TTC17: variants seen among roughly 807,000 people sequenced by gnomAD.
TTC17 encodes tetratricopeptide repeat protein 17.
TTC17 carries 58 observed loss-of-function variants against 143.8 expected under a neutral mutation model. That is an observed-to-expected ratio of 0.40 (90% CI 0.33 to 0.50). TTC17 has a LOEUF of 0.50. Ranked by LOEUF, TTC17 falls within the 20% of genes least tolerant of loss-of-function variation. The pLI, the probability that TTC17 is intolerant of heterozygous loss-of-function variation, is 0.49. For missense variants in TTC17, 1,273 were observed against 1,392.5 expected, an observed-to-expected ratio of 0.91 and a Z score of 1.37; for synonymous variants, 501 against 497.8, an observed-to-expected ratio of 1.01 and a Z score of -0.09.
At chr11:43,417,420 A>G (rs1946802404) in intron 16 of TTC17, among the ~76,000 whole-genome samples, 1 of 152,152 alleles carries the variant, frequency 6.6e-6, no homozygotes, top group Non-Finnish European at 1.5e-5. Flanking sequence ...ATCTTGTCTG[A>G]CATCTGTTTC....
At chr11:43,436,253 C>T in intron 16 of TTC17, 1 of 1,471,176 alleles carries the variant, frequency 6.8e-7, no homozygotes. Flanking sequence ...TGAAGAAGAG[C>T]CCTCTGAGAG....
intron 18 of TTC17, chr11:43,446,061 T>C (rs2134739000): frequency 6.6e-7 from 1 of 1,518,658 alleles, no homozygotes. Context: ...AGCCTTCCCA[T>C]TGCCTACAGG....
In TTC17 at chr11:43,396,677, C is replaced by A; in HGVS notation, c.664-32C>A. 3.7e-6 allele frequency: 5 copies of A among 1,336,876 alleles called. No homozygotes were observed. In the South Asian group the frequency reaches 5.4e-5, roughly 14 times the overall value. The allele number at this position is 1,336,876 out of a possible 1,614,324, so 82.8% of individuals were successfully genotyped here. ...TATTCTAAGTTAAACTGTCTTGAGT[C>A]GTGTTTGTAATTTTACTTTTTTAAT... On this transcript the variant is annotated intron_variant, in intron 5 of 23. Coordinates refer to ENST00000039989, the MANE Select transcript of TTC17 (RefSeq NM_018259.6).
At chr11:43,406,206 G>A (rs1326945762) in intron 13 of TTC17, among the ~76,000 whole-genome samples, 1 of 152,126 alleles carries the variant, frequency 6.6e-6, no homozygotes, top group Non-Finnish European at 1.5e-5. Flanking sequence ...TCAAAGATGA[G>A]TAGCACAGAA....
At position 43,399,963 on chromosome 11, in the gene TTC17, C is replaced by A; in HGVS notation, c.1134C>A (p.Ile378=). 1.2e-6 allele frequency: 2 copies of A among 1,613,758 alleles called. No individual in the cohort carries two copies. The highest frequency in any genetic ancestry group is 1.1e-5 in the South Asian group (1 of 91,062). ...ACCACTACCTGAGACAGCAGGAAAT[C>A]CTAGAAAAACATAAACTGATTCAGG... ...QHDHYLRQQE[I]LEKHKLIQEE... Residue 378 remains isoleucine (I), a synonymous_variant, in exon 9 of 24, where the codon ATC becomes ATA. Coordinates refer to ENST00000039989, the MANE Select transcript of TTC17 (RefSeq NM_018259.6).
At chr11:43,445,820 TTAAA>T (rs1244454475) in intron 18 of TTC17, 5 of 669,214 alleles carry the variant, frequency 7.5e-6, no homozygotes, top group African/African-American at 1.8e-5. Flanking sequence ...AAGCAAAGTA[TTAAA>T]TAGTTTGTGA....
chr11:43,428,096 G>A (rs1408760580), intron 16 of TTC17, among the ~76,000 whole-genome samples: 1 of 152,150 alleles, frequency 6.6e-6, no homozygotes, highest in Non-Finnish European at 1.5e-5. Context: ...TACTGGTCCA[G>A]TAGGAGCTAA....
chr11:43,379,456 C>A, intron 2 of TTC17, 134 bp downstream of exon 2: 1 of 670,366 alleles, frequency 1.5e-6, no homozygotes, highest in Non-Finnish European at 2.5e-6. Flanking sequence ...ATACTACCTG[C>A]AATGTGTGTG....
chr11:43,377,412 A>C (rs1856803638), intron 1 of TTC17, among the ~76,000 whole-genome samples: 1 of 152,214 alleles, frequency 6.6e-6, no homozygotes, highest in Non-Finnish European at 1.5e-5. Flanking sequence ...TACTCTGATA[A>C]TCTAAGGAGG....
intron 15 of TTC17, 70 bp from the exon 16 acceptor site, chr11:43,414,520 C>G: frequency 6.6e-7 from 1 of 1,514,192 alleles, no homozygotes; most frequent in Non-Finnish European, 8.9e-7. Context: ...AAGCCATATA[C>G]TGTAAACGTT....
At chr11:43,453,682 A>G (rs371005455) in intron 21 of TTC17, among the ~76,000 whole-genome samples, 3 of 152,328 alleles carry the variant, frequency 2.0e-5, no homozygotes, top group African/African-American at 4.8e-5. Flanking sequence ...ATATTTGTCT[A>G]TAGAGCCAAG....
chr11:43,407,228 C>T lies in TTC17; in HGVS notation c.1839+13C>T. 1 of 1,572,140 alleles carries T rather than the reference C, an allele frequency of 6.4e-7. No individual in the cohort carries two copies. Among genetic ancestry groups the T allele is most frequent in the Non-Finnish European group, 8.6e-7 (1 of 1,158,614 alleles). ...TGCTATTAATAAGGTGAGTCATTTA[C>T]TTTAGACATCTAAAACTTAAATGCT... On this transcript the variant is annotated intron_variant, in intron 14 of 23. Transcript: ENST00000039989.
chr11:43,369,536 G>C (rs975876358), intron 1 of TTC17, among the ~76,000 whole-genome samples: 1 of 152,024 alleles, frequency 6.6e-6, no homozygotes, highest in African/African-American at 2.4e-5. Context: ...TGATAGTCAA[G>C]GTTTAGCATT....
chr11:43,433,235 G>T (rs1444828090), intron 16 of TTC17, among the ~76,000 whole-genome samples: 1 of 152,076 alleles, frequency 6.6e-6, no homozygotes, highest in Non-Finnish European at 1.5e-5. Flanking sequence ...TCTTGACCTC[G>T]TGATCCGCCT....
At chr11:43,483,969 T>A (rs373099686) in intron 21 of TTC17, among the ~76,000 whole-genome samples, 4 of 152,130 alleles carry the variant, frequency 2.6e-5, no homozygotes, top group African/African-American at 9.6e-5. Flanking sequence ...CAGTGAAACC[T>A]CCTCCCTACT....
At chr11:43,472,340 T>G (rs1948107668) in intron 21 of TTC17, among the ~76,000 whole-genome samples, 1 of 152,068 alleles carries the variant, frequency 6.6e-6, no homozygotes. Flanking sequence ...GAGACCCTGT[T>G]TCAGAAAAGA....
At chr11:43,426,439 G>A (rs140727656) in intron 16 of TTC17, among the ~76,000 whole-genome samples, 133 of 152,262 alleles carry the variant, frequency 8.7e-4, no homozygotes, top group African/African-American at 2.9e-3. Flanking sequence ...ATTTACTTAC[G>A]GGTAAGTAGA....
intron 15 of TTC17, among the ~76,000 whole-genome samples, chr11:43,410,226 G>T (rs1858347532): frequency 6.6e-6 from 1 of 151,972 alleles, no homozygotes; most frequent in African/African-American, 2.4e-5. Flanking sequence ...TTTAGATTTT[G>T]TGCAAACCCT....
intron 15 of TTC17, among the ~76,000 whole-genome samples, chr11:43,410,510 T>G (rs1858361041): frequency 6.6e-6 from 1 of 152,186 alleles, no homozygotes; most frequent in African/African-American, 2.4e-5. Flanking sequence ...GGTCTATGAT[T>G]CATTTCAAGT....
Sources: gnomAD v4.1 joint callset for allele counts (sites outside exome capture counted in the v4.1 genomes callset) on GRCh38, gnomAD v4.1.1 for gene constraint, MANE v1.5 for transcripts, NCBI Gene and HGNC (gene_info 2026-07-23, HGNC 2026-07-21) for gene names.